Variants in DCBLD2 observed in about 807,000 individuals in gnomAD.
DCBLD2 encodes the protein discoidin, CUB and LCCL domain-containing protein 2.
DCBLD2 carries 54 observed loss-of-function variants against 86.8 expected under a neutral mutation model. The observed-to-expected ratio is 0.62, with a 90% CI of 0.50 to 0.78. The LOEUF is 0.78. DCBLD2 is among the 30% of genes least tolerant of loss of function. The pLI, the probability that DCBLD2 is intolerant of heterozygous loss-of-function variation, is 0.00. For synonymous variants in DCBLD2, 354 were observed against 341.3 expected, an observed-to-expected ratio of 1.04 and a Z score of -0.41; for missense variants, 908 against 954.2, an observed-to-expected ratio of 0.95 and a Z score of 0.64.
chr3:98,891,248 C>G lies in DCBLD2; in HGVS notation c.206-9481G>C, dbSNP rs549431416. On this transcript the variant is annotated intron_variant, in intron 1 of 15. Coordinates refer to ENST00000326840, the MANE Select transcript of DCBLD2 (RefSeq NM_080927.4). ...AGAGAGAGAGAAAGAAAGAAAAAAG[C>G]AAGCAAGCAAGCAAGCAGTTAGCTA... 6.6e-5 allele frequency among the ~76,000 whole-genome samples: 10 copies of G among 150,826 alleles called. No individual in the cohort carries two copies. The South Asian group carries it at 1.9e-3, about 28-fold the overall frequency.
At chr3:98,877,609 C>T (rs1943394173) in intron 2 of DCBLD2, among the ~76,000 whole-genome samples, 1 of 151,882 alleles carries the variant, frequency 6.6e-6, no homozygotes, top group Non-Finnish European at 1.5e-5. Context: ...CATGTATATA[C>T]ATATGTATAT....
chr3:98,872,171 G>T (rs1351923158), intron 2 of DCBLD2, among the ~76,000 whole-genome samples: 1 of 152,190 alleles, frequency 6.6e-6, no homozygotes, highest in East Asian at 1.9e-4. Context: ...ATCTCTGAAA[G>T]TATAGTCTTC....
chr3:98,891,701 CCA>C (rs1307968028), intron 1 of DCBLD2, among the ~76,000 whole-genome samples: 4 of 152,062 alleles, frequency 2.6e-5, no homozygotes, highest in African/African-American at 7.2e-5. Flanking sequence ...CCTCTTTGTT[CCA>C]CAGTCCTGAA....
At chr3:98,832,634 G>T (rs1942343519) in intron 3 of DCBLD2, among the ~76,000 whole-genome samples, 1 of 152,104 alleles carries the variant, frequency 6.6e-6, no homozygotes, top group Admixed American at 6.5e-5. Flanking sequence ...TGGGTCTGGT[G>T]GTAATGAACT....
At chr3:98,871,456 T>C (rs1234887732) in intron 2 of DCBLD2, among the ~76,000 whole-genome samples, 3 of 152,188 alleles carry the variant, frequency 2.0e-5, no homozygotes, top group Admixed American at 6.5e-5. Flanking sequence ...GTATGTTCTT[T>C]CTGTGCCTAG....
At position 98,863,226 on chromosome 3, in the gene DCBLD2, T is replaced by C. The variant is rs146041294; in HGVS notation, c.434-13628A>G. ...ACTGCTCAACAAAAGAGGTCAACAA[T>C]TGGAAGAACATTCCAGGCTCATGGA... On this transcript the variant is annotated intron_variant, in intron 2 of 15. Coordinates refer to ENST00000326840, the MANE Select transcript of DCBLD2 (RefSeq NM_080927.4). Among the ~76,000 whole-genome samples the C allele has an allele frequency of 7.0e-3, 1,066 of 151,968 alleles. 8 individuals are homozygous for C. Among genetic ancestry groups the C allele is most frequent in the African/African-American group, 0.019 (796 of 41,502 alleles).
At position 98,811,416 on chromosome 3, in the gene DCBLD2, T is replaced by C. The variant is rs958534011; in HGVS notation, c.1450+52A>G. ...ATGCTTTTAATATATTTTTGGAAAGTTGCACCATAAATCCAAGGAATATCA... is the reference window on the plus strand; with the variant it reads ...ATGCTTTTAATATATTTTTGGAAAGCTGCACCATAAATCCAAGGAATATCA... On this transcript the variant is annotated intron_variant, in intron 11 of 15. Transcript: ENST00000326840. The C allele has an allele frequency of 3.7e-6, 6 of 1,612,278 alleles. No individual in the cohort carries two copies. The African/African-American group carries it at 8.0e-5, about 22-fold the overall frequency.
intron 1 of DCBLD2, among the ~76,000 whole-genome samples, chr3:98,893,697 AT>A (rs1243898425): frequency 3.3e-5 from 5 of 152,210 alleles, no homozygotes; most frequent in African/African-American, 1.2e-4. Context: ...AGCCAGTGGC[AT>A]TTTGAGCATG....
intron 1 of DCBLD2, among the ~76,000 whole-genome samples, chr3:98,883,424 A>T (rs1943507259): frequency 6.6e-6 from 1 of 152,168 alleles, no homozygotes; most frequent in African/African-American, 2.4e-5. Flanking sequence ...AAAATTAAAG[A>T]TTTGAAAAAA....
At chr3:98,894,350 C>A in intron 1 of DCBLD2, among the ~76,000 whole-genome samples, 1 of 152,106 alleles carries the variant, frequency 6.6e-6, no homozygotes, top group East Asian at 1.9e-4. Context: ...AGGAGACAGG[C>A]AACTACGAGA....
chr3:98,819,573 T>C (rs1470648612), intron 7 of DCBLD2, 156 bp from the exon 8 acceptor site: 2 of 738,134 alleles, frequency 2.7e-6, no homozygotes, highest in East Asian at 5.4e-5. Context: ...CAAGTGTTTC[T>C]TGGGCATATG....
At chr3:98,841,235 G>T (rs1385265997) in intron 3 of DCBLD2, among the ~76,000 whole-genome samples, 1 of 152,078 alleles carries the variant, frequency 6.6e-6, no homozygotes, top group Admixed American at 6.6e-5. Context: ...AAATGTGAAG[G>T]CAAGCCAATA....
intron 2 of DCBLD2, among the ~76,000 whole-genome samples, chr3:98,851,830 A>T (rs1239174825): frequency 6.6e-6 from 1 of 152,244 alleles, no homozygotes; most frequent in East Asian, 1.9e-4. Flanking sequence ...AGCAACGGGG[A>T]AAGGGTTCCC....
intron 3 of DCBLD2, among the ~76,000 whole-genome samples, chr3:98,826,784 G>A (rs1942230253): frequency 6.6e-6 from 1 of 152,138 alleles, no homozygotes; most frequent in South Asian, 2.1e-4. Context: ...CTAACCTGCA[G>A]GGAAGAAAAC....
chr3:98,856,715 G>C (rs528255687), intron 2 of DCBLD2, among the ~76,000 whole-genome samples: 2 of 151,022 alleles, frequency 1.3e-5, no homozygotes, highest in South Asian at 2.1e-4. Flanking sequence ...AGAAATGAGA[G>C]TTGGTTGACC....
chr3:98,843,554 C>T (rs1031488863), intron 3 of DCBLD2, among the ~76,000 whole-genome samples: 9 of 152,106 alleles, frequency 5.9e-5, no homozygotes, highest in African/African-American at 2.2e-4. Context: ...ATTATCTAGT[C>T]AGCCCTACGT....
intron 1 of DCBLD2, among the ~76,000 whole-genome samples, chr3:98,886,800 AC>A (rs56817910): frequency 1.4e-4 from 17 of 123,764 alleles, no homozygotes; most frequent in African/African-American, 3.4e-4. Context: ...TTACAGGAAA[AC>A]CCCCCCCCTT....
intron 2 of DCBLD2, among the ~76,000 whole-genome samples, chr3:98,873,195 A>C (rs1943308298): frequency 6.6e-6 from 1 of 152,166 alleles, no homozygotes; most frequent in Non-Finnish European, 1.5e-5. Context: ...TATCTAGTCG[A>C]CACAGCACAG....
intron 9 of DCBLD2, chr3:98,814,958 GT>G (rs1340748812): frequency 6.6e-6 from 1 of 152,218 alleles, no homozygotes; most frequent in Non-Finnish European, 1.5e-5. Flanking sequence ...CTATAGAAGA[GT>G]TTCCAGGCCA....
Sources: gnomAD v4.1 joint callset for allele counts (sites outside exome capture counted in the v4.1 genomes callset) on GRCh38, gnomAD v4.1.1 for gene constraint, MANE v1.5 for transcripts, NCBI Gene and HGNC (gene_info 2026-07-23, HGNC 2026-07-21) for gene names.